Variants in MCF2L2 observed in about 807,000 individuals in gnomAD.
MCF2L2 encodes probable guanine nucleotide exchange factor MCF2L2.
In MCF2L2, 102 loss-of-function variants were observed where a neutral mutation model predicts 150.2. The ratio of observed to expected loss-of-function variants is 0.68; its 90% confidence interval spans 0.58 to 0.80. The LOEUF (loss-of-function observed/expected upper bound fraction) is 0.80. Ranked by LOEUF, MCF2L2 falls within the 30% of genes least tolerant of loss-of-function variation. The pLI, the probability that MCF2L2 is intolerant of heterozygous loss-of-function variation, is 0.00. For synonymous variants in MCF2L2, 465 were observed against 491.3 expected, an observed-to-expected ratio of 0.95 and a Z score of 0.71; for missense variants, 1,256 against 1,372.8, an observed-to-expected ratio of 0.91 and a Z score of 1.34.
chr3:183,232,846 G>A (rs1015562580), intron 15 of MCF2L2, among the ~76,000 whole-genome samples: 1 of 152,178 alleles, frequency 6.6e-6, no homozygotes, highest in Non-Finnish European at 1.5e-5. Context: ...GTAAATGAGG[G>A]TGTGGAAAAA....
At chr3:183,309,688 C>T in intron 10 of MCF2L2, 28 bp downstream of exon 10, 1 of 1,613,940 alleles carries the variant, frequency 6.2e-7, no homozygotes. Context: ...ACCTCCCTCC[C>T]AGTACACAAA....
chr3:183,364,278 AG>A (rs1401305283), intron 3 of MCF2L2, among the ~76,000 whole-genome samples: 1 of 152,160 alleles, frequency 6.6e-6, no homozygotes, highest in Non-Finnish European at 1.5e-5. Context: ...GCACTTTGGG[AG>A]GGCGAGGCGG....
intron 6 of MCF2L2, among the ~76,000 whole-genome samples, chr3:183,319,235 T>A (rs1049494809): frequency 8.5e-5 from 13 of 152,242 alleles, no homozygotes; most frequent in Admixed American, 3.9e-4. Flanking sequence ...TTTTTGCTCA[T>A]CCGTAAAAAA....
At chr3:183,365,569 T>C (rs890762615) in intron 3 of MCF2L2, among the ~76,000 whole-genome samples, 1 of 152,226 alleles carries the variant, frequency 6.6e-6, no homozygotes. Context: ...ATAGCCATTT[T>C]GAGAAAGATA....
intron 3 of MCF2L2, among the ~76,000 whole-genome samples, chr3:183,348,422 G>A (rs568096789): frequency 6.6e-5 from 10 of 151,598 alleles, no homozygotes; most frequent in Non-Finnish European, 1.0e-4. Context: ...GGTCGGGTAG[G>A]GGGGGCGAGG....
Position 183,331,255 on chromosome 3 carries a change from C to T in MCF2L2, c.486+7545G>A, listed in dbSNP as rs996487891. Among the ~76,000 whole-genome samples the T allele has an allele frequency of 3.9e-5, 6 of 152,300 alleles. No homozygotes were observed. In the East Asian group the frequency reaches 7.7e-4, roughly 20 times the overall value. ...TTTGCCTGCAGAACTCCAGTAAACG[C>T]TCTGTCCTAGACTTTCCTCTGCCTC... On this transcript the variant is annotated intron_variant, in intron 5 of 29. Transcript: ENST00000328913.
At chr3:183,240,526 C>A (rs1723973177) in intron 15 of MCF2L2, among the ~76,000 whole-genome samples, 1 of 152,174 alleles carries the variant, frequency 6.6e-6, no homozygotes, top group African/African-American at 2.4e-5. Context: ...TCCCCCAAAG[C>A]TCCATTTTTA....
intron 5 of MCF2L2, among the ~76,000 whole-genome samples, chr3:183,333,458 C>T (rs1730347237): frequency 6.6e-6 from 1 of 152,268 alleles, no homozygotes; most frequent in South Asian, 2.1e-4. Flanking sequence ...GAAAAATCCT[C>T]CCCCTTCCCA....
chr3:183,310,573 G>A, intron 9 of MCF2L2: 1 of 302,820 alleles, frequency 3.3e-6, no homozygotes, highest in Non-Finnish European at 6.5e-6. Context: ...TGAGGTGGGA[G>A]GATAGCTTGA....
At chr3:183,316,121 C>G (rs1223054997) in intron 7 of MCF2L2, among the ~76,000 whole-genome samples, 1 of 152,170 alleles carries the variant, frequency 6.6e-6, no homozygotes, top group East Asian at 1.9e-4. Flanking sequence ...TGTGCAACTG[C>G]AAACTCCTTC....
chr3:183,400,959 G>C (rs1714721278), intron 1 of MCF2L2, among the ~76,000 whole-genome samples: 1 of 152,188 alleles, frequency 6.6e-6, no homozygotes, highest in Non-Finnish European at 1.5e-5. Flanking sequence ...GCTGCAGCCA[G>C]TAAGATTCAC....
intron 11 of MCF2L2, chr3:183,297,435 T>A: frequency 2.6e-6 from 1 of 387,180 alleles, no homozygotes; most frequent in Non-Finnish European, 4.8e-6. Flanking sequence ...AATTGCTACA[T>A]CTCCAGGAGG....
Position 183,270,527 on chromosome 3 carries a change from G to A in MCF2L2, c.1862+6345C>T, listed in dbSNP as rs930566130. 1 of 1,614,134 alleles carries A rather than the reference G, an allele frequency of 6.2e-7. No homozygotes were observed. Among genetic ancestry groups the A allele is most frequent in the Non-Finnish European group, 8.5e-7 (1 of 1,180,012 alleles). On this transcript the variant is annotated intron_variant, in intron 15 of 29. Transcript: ENST00000328913. This position sits in a 1 kb window ranked among gnomAD's most constrained non-coding sequence, Gnocchi z 4.5. ...GCAAATACTACGTGTCCTATGAAAT[G>A]TACCAGTGGCCAGCTTACCCTGACT...
At chr3:183,218,595 T>C (rs1308387025) in intron 21 of MCF2L2, among the ~76,000 whole-genome samples, 2 of 152,080 alleles carry the variant, frequency 1.3e-5, no homozygotes, top group East Asian at 1.9e-4. Context: ...AACTGCGCCA[T>C]TGCACTCCAG....
intron 1 of MCF2L2, among the ~76,000 whole-genome samples, chr3:183,401,004 C>T (rs191159221): frequency 5.3e-5 from 8 of 152,188 alleles, no homozygotes; most frequent in South Asian, 4.2e-4. Flanking sequence ...ACACGGCAAA[C>T]GGTAAAGGTT....
intron 15 of MCF2L2, among the ~76,000 whole-genome samples, chr3:183,245,573 A>T (rs1406870597): frequency 6.6e-6 from 1 of 152,116 alleles, no homozygotes; most frequent in African/African-American, 2.4e-5. Flanking sequence ...CCTTCCAGGA[A>T]CCTGTTTCAT....
chr3:183,275,661 T>G lies in MCF2L2; in HGVS notation c.1862+1211A>C, dbSNP rs544325493. On this transcript the variant is annotated intron_variant, in intron 15 of 29. Coordinates refer to ENST00000328913, the MANE Select transcript of MCF2L2 (RefSeq NM_015078.4). ...TTTTGCTCTGTCACCCAGGCTGCAG[T>G]GCAGCTGTGTGATCACAGCTTAGCT... Among the ~76,000 whole-genome samples the G allele has an allele frequency of 2.0e-5, 3 of 152,344 alleles. No individual in the cohort carries two copies. In the South Asian group the frequency reaches 6.2e-4, roughly 32 times the overall value.
At chr3:183,300,418 T>C (rs1177374059) in intron 10 of MCF2L2, among the ~76,000 whole-genome samples, 2 of 152,214 alleles carry the variant, frequency 1.3e-5, no homozygotes, top group African/African-American at 2.4e-5. Flanking sequence ...TTCATTCAAA[T>C]ACCTGTTGAG....
intron 3 of MCF2L2, among the ~76,000 whole-genome samples, chr3:183,363,701 A>G (rs1712350186): frequency 1.3e-5 from 2 of 152,156 alleles, no homozygotes; most frequent in Non-Finnish European, 2.9e-5. Context: ...TGATTGCGCC[A>G]CTTTTGAGAC....
Sources: allele counts gnomAD v4.1 joint callset (sites outside exome capture counted in the v4.1 genomes callset), GRCh38; gene constraint gnomAD v4.1.1; non-coding constraint Gnocchi (gnomAD v3.1); transcripts MANE v1.5; gene names NCBI Gene and HGNC (gene_info 2026-07-23, HGNC 2026-07-21).